Variants in ZFHX3 observed in about 807,000 individuals in gnomAD.
ZFHX3 encodes zinc finger homeobox 3.
A neutral mutation model predicts 279.1 loss-of-function variants in ZFHX3; 42 were observed. That is an observed-to-expected ratio of 0.15 (90% confidence interval 0.12 to 0.19). The LOEUF is 0.19. Ranked by LOEUF, ZFHX3 falls within the 10% of genes least tolerant of loss-of-function variation. The pLI is 1.00. For missense variants in ZFHX3, 4,981 were observed against 4,754.0 expected (o/e 1.05, Z -1.40); for synonymous variants, 2,293 against 1,957.8 (o/e 1.17, Z -4.52).
At chr16:73,487,329 T>C (rs1175014111) in intron 2 of ZFHX3, 2 of 341,508 alleles carry the variant, frequency 5.9e-6, no homozygotes, top group Non-Finnish European at 1.2e-5. Context: ...AAATGTCTTC[T>C]GAACCCATCT....
chr16:73,065,606 T>C (rs8055057), intron 8 of ZFHX3, among the ~76,000 whole-genome samples: 1,631 of 145,640 alleles, frequency 0.011, 27 homozygotes, highest in African/African-American at 0.036. Flanking sequence ...TGTGTGTGTG[T>C]GCGTGTGTGT....
chr16:72,954,767 T>C (rs1961166021), intron 2 of ZFHX3, among the ~76,000 whole-genome samples: 1 of 152,202 alleles, frequency 6.6e-6, no homozygotes, highest in African/African-American at 2.4e-5. Context: ...CCGACTGTAC[T>C]AGGCGAAGGA....
At chr16:72,901,917 C>A (rs2039046943) in intron 3 of ZFHX3, among the ~76,000 whole-genome samples, 1 of 151,928 alleles carries the variant, frequency 6.6e-6, no homozygotes, top group Non-Finnish European at 1.5e-5. Context: ...CCTTCCCCCA[C>A]CCCCTTTTTA....
intron 7 of ZFHX3, among the ~76,000 whole-genome samples, chr16:73,104,472 C>T (rs1966269838): frequency 6.6e-6 from 1 of 152,180 alleles, no homozygotes; most frequent in African/African-American, 2.4e-5. Flanking sequence ...TCAAGTGATC[C>T]ACCTGCGTCA....
At chr16:73,382,987 C>CA (rs1325949399) in intron 3 of ZFHX3, among the ~76,000 whole-genome samples, 1 of 152,134 alleles carries the variant, frequency 6.6e-6, no homozygotes, top group African/African-American at 2.4e-5. Flanking sequence ...TTAAATGAGG[C>CA]AGGACACAGG....
chr16:73,019,774 C>G (rs1241525187), intron 1 of ZFHX3, among the ~76,000 whole-genome samples: 1 of 152,218 alleles, frequency 6.6e-6, no homozygotes, highest in East Asian at 1.9e-4. Flanking sequence ...TCAGGGCTCA[C>G]CCGCCCCCTT....
In ZFHX3 at chr16:72,787,258, T is replaced by G; in HGVS notation, c.11018A>C (p.Asp3673Ala). ...ACCCTCCACCGGGCTCGCCGGTCCG[T>G]CGGACTTTTGGCTGAGATCCGTGTC... Reference protein sequence around the residue: ...ESDTDLSQKSDGPASPVEGPK... With the variant: ...ESDTDLSQKSAGPASPVEGPK... The change falls in exon 10 of 10, where the codon GAC (aspartate) becomes GCC (alanine). Residue 3673 changes from aspartate to alanine, a missense_variant. Physicochemically the swap from Asp to Ala is moderately radical, Grantham distance 126 (BLOSUM62 -2). Transcript: ENST00000268489. 1 of 1,614,106 alleles carries G rather than the reference T, an allele frequency of 6.2e-7. No individual in the cohort carries two copies. The highest frequency in any genetic ancestry group is 8.5e-7 in the Non-Finnish European group (1 of 1,180,038).
intron 2 of ZFHX3, among the ~76,000 whole-genome samples, chr16:73,543,203 T>C (rs1364764044): frequency 2.0e-5 from 3 of 152,182 alleles, no homozygotes; most frequent in African/African-American, 7.2e-5. Context: ...CATAACTGAA[T>C]AGGTAAAAAA....
chr16:73,276,262 C>T (rs2014300653), intron 4 of ZFHX3, among the ~76,000 whole-genome samples: 1 of 151,384 alleles, frequency 6.6e-6, no homozygotes, highest in African/African-American at 2.4e-5. Context: ...CAGCTCACTG[C>T]AACCTCCACC....
At chr16:73,519,239 TAA>T (rs200977063) in intron 2 of ZFHX3, among the ~76,000 whole-genome samples, 7 of 150,950 alleles carry the variant, frequency 4.6e-5, no homozygotes, top group African/African-American at 7.3e-5. Flanking sequence ...AATTTTCCAT[TAA>T]AAAAAAAGAT....
intron 1 of ZFHX3, among the ~76,000 whole-genome samples, chr16:73,698,356 G>C (rs1217954096): frequency 6.6e-6 from 1 of 152,098 alleles, no homozygotes; most frequent in Non-Finnish European, 1.5e-5. Context: ...ATTACCATTA[G>C]AACACCATAG....
intron 1 of ZFHX3, among the ~76,000 whole-genome samples, chr16:72,970,896 T>C (rs893843907): frequency 2.0e-5 from 3 of 152,236 alleles, no homozygotes; most frequent in African/African-American, 7.2e-5. Context: ...GTCAAATTTA[T>C]GTTAAATCAT....
intron 1 of ZFHX3, among the ~76,000 whole-genome samples, chr16:73,022,810 G>A (rs939071995): frequency 6.6e-6 from 1 of 152,072 alleles, no homozygotes; most frequent in Non-Finnish European, 1.5e-5. Flanking sequence ...TTCCACAAGG[G>A]GCAGTCACCA....
intron 7 of ZFHX3, among the ~76,000 whole-genome samples, chr16:73,125,711 G>A (rs1293129769): frequency 6.6e-6 from 1 of 152,010 alleles, no homozygotes. Context: ...GGCTCTCCTT[G>A]CTCCTCAGCC....
At position 72,793,083 on chromosome 16, in the gene ZFHX3, C is replaced by T. The variant is rs559989600; in HGVS notation, c.9427+172G>A. Among the ~76,000 whole-genome samples, 5 of 152,338 alleles carry T rather than the reference C, an allele frequency of 3.3e-5. No individual in the cohort carries two copies. In the East Asian group the frequency reaches 9.6e-4, roughly 29 times the overall value. On this transcript the variant is annotated intron_variant, in intron 9 of 9. Transcript: ENST00000268489. The surrounding 1 kb of genome is among the most constrained non-coding windows in gnomAD (Gnocchi z 4.3). ...CCAGGAGGTCCCATCCCTGACACAC[C>T]AGTACTTGGGAGACTCAACAGGAAC...
At chr16:73,009,184 C>T (rs1356149165) in intron 1 of ZFHX3, among the ~76,000 whole-genome samples, 1 of 152,060 alleles carries the variant, frequency 6.6e-6, no homozygotes, top group Non-Finnish European at 1.5e-5. Context: ...TATCAACTCC[C>T]TTCCTTCCCA....
At chr16:72,845,556 C>T (rs929712235) in intron 4 of ZFHX3, among the ~76,000 whole-genome samples, 3 of 152,160 alleles carry the variant, frequency 2.0e-5, no homozygotes, top group Admixed American at 6.5e-5. Context: ...CGTGCTCCCA[C>T]GCTCTGTGTC....
chr16:73,047,343 C>T (rs985098596), intron 1 of ZFHX3, among the ~76,000 whole-genome samples: 6 of 152,310 alleles, frequency 3.9e-5, no homozygotes, highest in African/African-American at 1.2e-4. Flanking sequence ...CTGATTCTCC[C>T]TTTAATTACT....
At chr16:73,250,897 CT>C (rs146612398) in intron 5 of ZFHX3, among the ~76,000 whole-genome samples, 2,337 of 152,148 alleles carry the variant, frequency 0.015, 63 homozygotes, top group African/African-American at 0.051. Flanking sequence ...CAAATTTCTT[CT>C]TTTTTCCCTT....
Sources: gnomAD v4.1 joint callset for allele counts (sites outside exome capture counted in the v4.1 genomes callset) on GRCh38, gnomAD v4.1.1 for gene constraint, Gnocchi (gnomAD v3.1) non-coding constraint, MANE v1.5 for transcripts, NCBI Gene and HGNC (gene_info 2026-07-23, HGNC 2026-07-21) for gene names.